The following RAP1A variants were observed in gnomAD, a reference collection of about 807,000 sequenced individuals.
RAP1A encodes ras-related protein Rap-1A.
A neutral mutation model predicts 26.4 loss-of-function variants in RAP1A; 6 were observed. The observed-to-expected ratio is 0.23, with a 90% CI of 0.12 to 0.45. The LOEUF (loss-of-function observed/expected upper bound fraction) is 0.45, where lower values mean the gene tolerates loss of function less well. Ranked by LOEUF, RAP1A falls within the 20% of genes least tolerant of loss-of-function variation. The probability of loss-of-function intolerance (pLI) is 0.99; values close to 1 mark genes in which losing one functional copy is unlikely to be tolerated. For missense variants in RAP1A, 121 were observed against 217.2 expected, an observed-to-expected ratio of 0.56 and a Z score of 2.78; for synonymous variants, 73 against 79.4, an observed-to-expected ratio of 0.92 and a Z score of 0.43.
At chr1:111,689,981 T>C (rs2101241330) in intron 1 of RAP1A, among the ~76,000 whole-genome samples, 1 of 152,326 alleles carries the variant, frequency 6.6e-6, no homozygotes, top group South Asian at 2.1e-4. Context: ...CGGCCTCAGG[T>C]CACATTTTCT....
intron 1 of RAP1A, among the ~76,000 whole-genome samples, chr1:111,655,942 G>A (rs1660444558): frequency 6.6e-6 from 1 of 151,602 alleles, no homozygotes; most frequent in African/African-American, 2.4e-5. Context: ...CGCCCACCTC[G>A]GCCTCCCAAA....
chr1:111,704,535 TTTAAG>T (rs760774676), intron 6 of RAP1A, 49 bp downstream of exon 6: 5 of 1,520,870 alleles, frequency 3.3e-6, no homozygotes, highest in South Asian at 1.3e-5. Context: ...TTTAGTTTGC[TTTAAG>T]TTAACAGCCA....
At chr1:111,657,761 T>G (rs999832767) in intron 1 of RAP1A, among the ~76,000 whole-genome samples, 1 of 152,218 alleles carries the variant, frequency 6.6e-6, no homozygotes, top group Non-Finnish European at 1.5e-5. Flanking sequence ...CATTTGACCA[T>G]ATATGTGAGG....
Position 111,634,200 on chromosome 1 carries a change from A to G in RAP1A, c.-28+14266A>G, listed in dbSNP as rs144443587. ...TTAAAGGTGATTTTAAAAACATTCA[A>G]ATATTTGAGAGAGTGCCCTTTATAT... On this transcript the variant is annotated intron_variant, in intron 1 of 7. Coordinates refer to ENST00000369709, the MANE Select transcript of RAP1A (RefSeq NM_002884.4). 3.3e-3 allele frequency among the ~76,000 whole-genome samples: 501 copies of G among 152,298 alleles called. 5 individuals are homozygous for G. The highest frequency in any genetic ancestry group is 0.011 in the African/African-American group (448 of 41,556).
intron 1 of RAP1A, among the ~76,000 whole-genome samples, chr1:111,595,261 C>A (rs906453644): frequency 1.3e-5 from 2 of 152,102 alleles, no homozygotes; most frequent in Admixed American, 1.3e-4. Flanking sequence ...AATATCTGGA[C>A]CAGCAACCTG....
rs139602733 is a variant in RAP1A at position 111,591,652 on chromosome 1, G to A, written c.-28+49143G>A. 2.3e-3 allele frequency among the ~76,000 whole-genome samples: 351 copies of A among 152,154 alleles called. 1 individual carries two copies. Among genetic ancestry groups the A allele is most frequent in the African/African-American group, 8.1e-3 (335 of 41,516 alleles). On this transcript the variant is annotated intron_variant, in intron 1 of 7. Transcript: ENST00000356415. ...GTTATTAAAGCTTTTTTTAAAAACC[G>A]ATCAGATAACATGATCTATATGATA...
intron 1 of RAP1A, among the ~76,000 whole-genome samples, chr1:111,675,250 G>A (rs1661090626): frequency 6.6e-6 from 1 of 152,130 alleles, no homozygotes; most frequent in African/African-American, 2.4e-5. Flanking sequence ...GGGAGGCCGA[G>A]GCGGGTGGAT....
At chr1:111,711,365 A>G (rs1234181851) in intron 7 of RAP1A, among the ~76,000 whole-genome samples, 1 of 152,170 alleles carries the variant, frequency 6.6e-6, no homozygotes, top group Non-Finnish European at 1.5e-5. Context: ...CTTTTAGCTT[A>G]TGTTAAAGGA....
intron 6 of RAP1A, among the ~76,000 whole-genome samples, chr1:111,705,425 T>C (rs1662159303): frequency 2.0e-5 from 3 of 152,208 alleles, no homozygotes. Flanking sequence ...ACTAATATTA[T>C]GCTTATAGAC....
Position 111,699,479 on chromosome 1 carries a change from T to TTTTTTTTTG in RAP1A, c.183+1982_183+1983insTTTTTTTTG, listed in dbSNP as rs374442188. 2.5e-3 allele frequency among the ~76,000 whole-genome samples: 343 copies of TTTTTTTTTG among 139,008 alleles called. 5 individuals carry two copies. The highest frequency in any genetic ancestry group is 4.4e-3 in the South Asian group (19 of 4,332). The allele number at this position is 139,008 out of a possible 152,430, so 91.2% of individuals were successfully genotyped here. A position where few individuals can be genotyped will look rare whatever the true frequency, so the allele number is the denominator to read the frequency against. On this transcript the variant is annotated intron_variant, in intron 4 of 7. Coordinates refer to ENST00000369709, the MANE Select transcript of RAP1A (RefSeq NM_002884.4). Reference sequence around the variant, plus strand: ...TCACTTCCTCTTTTTTTTTTTTTTTTGAAACAGGGTCTCTCTCTGTCACCC... The same window carrying TTTTTTTTTG: ...TCACTTCCTCTTTTTTTTTTTTTTTTTTTTTTTTGGAAACAGGGTCTCTCTCTGTCACCC...
intron 1 of RAP1A, among the ~76,000 whole-genome samples, chr1:111,688,509 G>A (rs1055318660): frequency 2.0e-5 from 3 of 151,506 alleles, no homozygotes; most frequent in Non-Finnish European, 4.4e-5. Flanking sequence ...TAGTAGAGAC[G>A]GGGTTTCGCC....
chr1:111,624,320 T>C (rs1659323170), intron 1 of RAP1A, among the ~76,000 whole-genome samples: 1 of 152,232 alleles, frequency 6.6e-6, no homozygotes, highest in African/African-American at 2.4e-5. Flanking sequence ...TTTCTTTTAT[T>C]GTGTGCATGA....
chr1:111,708,206 AT>A (rs1662258944), intron 6 of RAP1A, among the ~76,000 whole-genome samples: 1 of 151,880 alleles, frequency 6.6e-6, no homozygotes, highest in Admixed American at 6.6e-5. Context: ...AACCACAAAT[AT>A]TTGTTATTTC....
chr1:111,655,932 C>T (rs1007133248), intron 1 of RAP1A, among the ~76,000 whole-genome samples: 8 of 151,722 alleles, frequency 5.3e-5, no homozygotes, highest in East Asian at 3.9e-4. Flanking sequence ...CCTTGTGATC[C>T]GCCCACCTCG....
At chr1:111,672,484 C>T (rs985296231) in intron 1 of RAP1A, among the ~76,000 whole-genome samples, 2 of 152,082 alleles carry the variant, frequency 1.3e-5, no homozygotes, top group Non-Finnish European at 2.9e-5. Context: ...AAGATGGTTG[C>T]TGTCTGGGAT....
intron 1 of RAP1A, among the ~76,000 whole-genome samples, chr1:111,549,621 G>C (rs1052458113): frequency 2.0e-5 from 3 of 148,086 alleles, no homozygotes; most frequent in South Asian, 2.1e-4. Flanking sequence ...CTGCACTCCA[G>C]CCTGGGCAAC....
chr1:111,561,885 C>A (rs1258774822), intron 1 of RAP1A, among the ~76,000 whole-genome samples: 1 of 152,076 alleles, frequency 6.6e-6, no homozygotes, highest in Non-Finnish European at 1.5e-5. Context: ...TTGGCCCGGA[C>A]TTTTTCAACA....
intron 1 of RAP1A, among the ~76,000 whole-genome samples, chr1:111,575,664 G>C (rs1658133817): frequency 6.6e-6 from 1 of 152,114 alleles, no homozygotes; most frequent in African/African-American, 2.4e-5. Context: ...CACAGAGAAA[G>C]ACCATGTGAG....
chr1:111,607,436 C>A (rs1407933831), intron 1 of RAP1A, among the ~76,000 whole-genome samples: 1 of 152,236 alleles, frequency 6.6e-6, no homozygotes, highest in African/African-American at 2.4e-5. Context: ...CGGCAACCAT[C>A]CGATTTCTCA....
Sources: gnomAD v4.1 joint callset for allele counts (sites outside exome capture counted in the v4.1 genomes callset) on GRCh38, gnomAD v4.1.1 for gene constraint, MANE v1.5 for transcripts, NCBI Gene and HGNC (gene_info 2026-07-23, HGNC 2026-07-21) for gene names.